The following ZFPM2 variants were observed in gnomAD, a reference collection of about 807,000 sequenced individuals.
The protein encoded by ZFPM2 is zinc finger protein ZFPM2.
ZFPM2 carries 20 observed loss-of-function variants against 98.6 expected under a neutral mutation model. The observed-to-expected ratio is 0.20, with a 90% confidence interval of 0.14 to 0.29. ZFPM2 has a LOEUF of 0.29. ZFPM2 is among the 10% of genes least tolerant of loss of function. The pLI is 1.00. For synonymous variants in ZFPM2, 518 were observed against 502.7 expected (o/e 1.03, Z -0.41); for missense variants, 1,310 against 1,388.6 (o/e 0.94, Z 0.90).
chr8:105,513,163 T>A (rs1813850861), intron 3 of ZFPM2, among the ~76,000 whole-genome samples: 1 of 152,180 alleles, frequency 6.6e-6, no homozygotes, highest in Non-Finnish European at 1.5e-5. Context: ...GAAGACCTCT[T>A]TTAGAAATAG....
At chr8:105,338,004 G>A (rs941985219) in intron 1 of ZFPM2, among the ~76,000 whole-genome samples, 2 of 151,626 alleles carry the variant, frequency 1.3e-5, no homozygotes, top group African/African-American at 4.8e-5. Context: ...TCATTAGGAT[G>A]ACTCATGAAA....
At chr8:105,426,071 C>T (rs1811902105) in intron 2 of ZFPM2, among the ~76,000 whole-genome samples, 1 of 152,008 alleles carries the variant, frequency 6.6e-6, no homozygotes, top group South Asian at 2.1e-4. Context: ...GTTTTTGCCT[C>T]CTCTGATGCT....
At chr8:105,463,321 A>G (rs1485599952) in intron 3 of ZFPM2, among the ~76,000 whole-genome samples, 1 of 151,830 alleles carries the variant, frequency 6.6e-6, no homozygotes. Context: ...ATATACATAT[A>G]TAGAGTTTTT....
chr8:105,554,623 G>A (rs76007292), intron 3 of ZFPM2, among the ~76,000 whole-genome samples: 2,677 of 152,148 alleles, frequency 0.018, 70 homozygotes, highest in African/African-American at 0.061. Context: ...TTAAAATTTG[G>A]TTGTATATTT....
chr8:105,353,860 GT>G (rs1812692883), intron 1 of ZFPM2, among the ~76,000 whole-genome samples: 1 of 152,074 alleles, frequency 6.6e-6, no homozygotes, highest in Non-Finnish European at 1.5e-5. Flanking sequence ...AAAGTTGTTT[GT>G]TTTTAGTTTC....
intron 5 of ZFPM2, among the ~76,000 whole-genome samples, chr8:105,655,842 T>G (rs774691352): frequency 6.6e-6 from 1 of 152,202 alleles, no homozygotes; most frequent in Non-Finnish European, 1.5e-5. Flanking sequence ...ACTTTTATGA[T>G]AGGGCCATTG....
intron 4 of ZFPM2, among the ~76,000 whole-genome samples, chr8:105,633,318 T>C (rs2130837839): frequency 6.6e-6 from 1 of 152,288 alleles, no homozygotes; most frequent in Non-Finnish European, 1.5e-5. Flanking sequence ...CTCTGTGTTG[T>C]GGTTTCATGA....
chr8:105,599,105 G>A (rs1168102254), intron 4 of ZFPM2, among the ~76,000 whole-genome samples: 2 of 152,032 alleles, frequency 1.3e-5, no homozygotes, highest in Non-Finnish European at 2.9e-5. Flanking sequence ...CATTGGGGGA[G>A]CTGCTTCAGA....
At position 105,437,488 on chromosome 8, in the gene ZFPM2, C is replaced by A. The variant is rs528782751; in HGVS notation, c.200-6792C>A. ...ATAGGTTGAATTACAAAATTTTCAT[C>A]TTGACATTTTCTATCAGATACGGGA... On this transcript the variant is annotated intron_variant, in intron 2 of 7. Transcript: ENST00000407775. Among the ~76,000 whole-genome samples the A allele has an allele frequency of 1.7e-3, 206 of 118,850 alleles. 2 individuals are homozygous for A. Among genetic ancestry groups the A allele is most frequent in the African/African-American group, 8.2e-3 (204 of 24,894 alleles). The allele number at this position is 118,850 out of a possible 152,430, so 78.0% of individuals were successfully genotyped here. A position where few individuals can be genotyped will look rare whatever the true frequency, so the allele number is the denominator to read the frequency against.
Position 105,405,529 on chromosome 8 carries a change from C to G in ZFPM2, c.41-13615C>G, listed in dbSNP as rs62525438. Among the ~76,000 whole-genome samples the G allele has an allele frequency of 3.3e-5, 5 of 149,474 alleles. No individual in the cohort carries two copies. The East Asian group carries it at 6.1e-4, about 18-fold the overall frequency. ...CCACCTGTGAGTGAGAACATGCAGT[C>G]TTTGGTTTTTTGTCCTTGCAATAGT... On this transcript the variant is annotated intron_variant, in intron 1 of 7. Transcript: ENST00000407775.
At chr8:105,463,379 A>G (rs1812738646) in intron 3 of ZFPM2, among the ~76,000 whole-genome samples, 1 of 151,778 alleles carries the variant, frequency 6.6e-6, no homozygotes, top group Admixed American at 6.6e-5. Context: ...AATACATTAT[A>G]TAGTTTTCTA....
In ZFPM2 at chr8:105,661,892, T is replaced by G. The variant is rs1381252834; in HGVS notation, c.532+27535T>G. On this transcript the variant is annotated intron_variant, in intron 5 of 7. Transcript: ENST00000407775. ...GAGTTTTACACAACCCAGTTGGGAG[T>G]AGCGCTGCAAGGTAGGTGATGTCTA... 3.3e-5 allele frequency among the ~76,000 whole-genome samples: 5 copies of G among 151,638 alleles called. No homozygotes were observed. The South Asian group carries it at 1.0e-3, about 32-fold the overall frequency.
chr8:105,411,717 C>T (rs944816495), intron 1 of ZFPM2, among the ~76,000 whole-genome samples: 2 of 151,766 alleles, frequency 1.3e-5, no homozygotes, highest in African/African-American at 2.4e-5. Context: ...GGACTCTGGA[C>T]TGAGACCTGA....
At chr8:105,473,838 AT>A (rs1812958232) in intron 3 of ZFPM2, among the ~76,000 whole-genome samples, 1 of 152,236 alleles carries the variant, frequency 6.6e-6, no homozygotes. Flanking sequence ...AAATATAGGT[AT>A]ATACACAAAT....
intron 1 of ZFPM2, among the ~76,000 whole-genome samples, chr8:105,362,746 G>A (rs200022352): frequency 5.3e-5 from 8 of 152,080 alleles, no homozygotes; most frequent in African/African-American, 1.2e-4. Context: ...TTGTGAACCC[G>A]TTTGTAATAT....
At chr8:105,769,453 T>C (rs1015392402) in intron 5 of ZFPM2, among the ~76,000 whole-genome samples, 1 of 152,056 alleles carries the variant, frequency 6.6e-6, no homozygotes, top group Non-Finnish European at 1.5e-5. Context: ...ATAAATGTTC[T>C]TCTCTAGCAT....
intron 5 of ZFPM2, among the ~76,000 whole-genome samples, chr8:105,767,641 T>C (rs1812885122): frequency 6.6e-6 from 1 of 151,890 alleles, no homozygotes; most frequent in South Asian, 2.1e-4. Flanking sequence ...GGAAATGATT[T>C]TGATTAGAAA....
intron 5 of ZFPM2, among the ~76,000 whole-genome samples, chr8:105,651,737 G>A (rs750650180): frequency 1.1e-4 from 16 of 152,040 alleles, no homozygotes; most frequent in Non-Finnish European, 2.1e-4. Context: ...CACAGCCAGC[G>A]CACAGTATAC....
intron 5 of ZFPM2, among the ~76,000 whole-genome samples, chr8:105,716,770 AC>A (rs1811533422): frequency 6.6e-6 from 1 of 151,926 alleles, no homozygotes; most frequent in Admixed American, 6.6e-5. Flanking sequence ...CTGCAACCTT[AC>A]TCCTTCCTGT....
Sources: allele counts gnomAD v4.1 joint callset (sites outside exome capture counted in the v4.1 genomes callset), GRCh38; gene constraint gnomAD v4.1.1; transcripts MANE v1.5; gene names NCBI Gene and HGNC (gene_info 2026-07-23, HGNC 2026-07-21).